PNLIPRP1: variants seen among roughly 807,000 people sequenced by gnomAD.
PNLIPRP1 encodes the protein pancreatic lipase related protein 1.
Under a neutral mutation model 54.6 loss-of-function variants are expected in PNLIPRP1, and 57 were observed. The observed-to-expected ratio is 1.04, with a 90% confidence interval of 0.84 to 1.30. PNLIPRP1 has a LOEUF of 1.30. Among genes scored for constraint, PNLIPRP1 ranks in the 50% most tolerant of loss-of-function variants. The probability of loss-of-function intolerance (pLI) is 0.00; values close to 1 mark genes in which losing one functional copy is unlikely to be tolerated. For missense variants in PNLIPRP1, 567 were observed against 568.5 expected (o/e 1.00, Z 0.03); for synonymous variants, 232 against 208.8 (o/e 1.11, Z -0.96).
rs1564735926 is a variant in PNLIPRP1 at position 116,594,735 on chromosome 10, G to A, written c.336G>A (p.Leu112=). 4 of 1,614,166 alleles carry A rather than the reference G, an allele frequency of 2.5e-6. No individual in the cohort carries two copies. Among genetic ancestry groups the A allele is most frequent in the Non-Finnish European group, 2.5e-6 (3 of 1,180,022 alleles). ...CACTATCTCCCCAACACCAGAAACT[G>A]TTCGAGGTGGAGGAGGTGAACTGCA... ...ESWVTDMCKK[L]FEVEEVNCIC... Residue 112 remains leucine, a synonymous_variant, in exon 5 of 13, where the codon CTG becomes CTA. Coordinates refer to ENST00000358834, the MANE Select transcript of PNLIPRP1 (RefSeq NM_006229.4).
intron 4 of PNLIPRP1, 173 bp from the exon 5 acceptor site, chr10:116,594,557 T>C: frequency 1.4e-6 from 1 of 701,580 alleles, no homozygotes; most frequent in Non-Finnish European, 2.4e-6. Flanking sequence ...GCCTTTCTCA[T>C]AGCATTCACC....
At chr10:116,604,223 C>T in intron 11 of PNLIPRP1, 85 bp downstream of exon 11, 1 of 649,576 alleles carries the variant, frequency 1.5e-6, no homozygotes, top group Non-Finnish European at 2.7e-6. Context: ...CTTATCATCT[C>T]TTTATATGTC....
intron 2 of PNLIPRP1, 71 bp downstream of exon 2, chr10:116,591,249 T>C: frequency 7.9e-7 from 1 of 1,270,710 alleles, no homozygotes; most frequent in Non-Finnish European, 1.1e-6. Context: ...AGAGAAAGCT[T>C]TAACTGTGGC....
Position 116,604,093 on chromosome 10 carries a change from C to CT in PNLIPRP1, c.1130dup (p.Leu377PhefsTer5), listed in dbSNP as rs782402618. 2 of 1,613,416 alleles carry CT rather than the reference C, an allele frequency of 1.2e-6. No individual in the cohort carries two copies. The highest frequency in any genetic ancestry group is 1.7e-6 in the Non-Finnish European group (2 of 1,179,446). The stretch of plus-strand genomic sequence containing the variant: ...ACAGCCACTGGTCAGATCAAAGTTG[C>CT]TTTGTTTGGAAATAAGGGAAACACT... On this transcript the variant is annotated frameshift_variant, in exon 11 of 13. Transcript: ENST00000358834. LOFTEE classifies it high-confidence loss of function.
intron 12 of PNLIPRP1, among the ~76,000 whole-genome samples, chr10:116,606,112 C>T (rs1012011762): frequency 6.6e-5 from 10 of 152,190 alleles, no homozygotes; most frequent in Admixed American, 1.3e-4. Context: ...GGCAGAGCGA[C>T]TGTCTCTCAA....
chr10:116,592,343 G>A, intron 3 of PNLIPRP1, 73 bp from the exon 4 acceptor site: 3 of 1,501,026 alleles, frequency 2.0e-6, no homozygotes, highest in Non-Finnish European at 2.7e-6. Flanking sequence ...ATTGGCGCAG[G>A]CGGAGATGAG....
At chr10:116,607,017 C>T (rs1251662288) in intron 12 of PNLIPRP1, among the ~76,000 whole-genome samples, 2 of 114,536 alleles carry the variant, frequency 1.7e-5, no homozygotes, top group African/African-American at 6.2e-5. Flanking sequence ...TGGCCAGTAA[C>T]ATTTAATAAT....
Position 116,605,487 on chromosome 10 carries a change from T to C in PNLIPRP1, c.1274T>C (p.Ile425Thr). 1 of 1,612,362 alleles carries C rather than the reference T, an allele frequency of 6.2e-7. No individual in the cohort carries two copies. Among genetic ancestry groups the C allele is most frequent in the South Asian group, 1.1e-5 (1 of 90,814 alleles). The stretch of plus-strand genomic sequence containing the variant: ...AAGTTTCTTTGGAATAACAATGTGA[T>C]AAATCCAACCCTCCCCAAAGTGGGT... ...KVKFLWNNNV[I>T]NPTLPKVGAT... is the part of the protein sequence containing the mutation. Residue 425 changes from isoleucine to threonine, a missense_variant, in exon 12 of 13, where the codon ATA (isoleucine) becomes ACA (threonine). By Grantham distance (89) the Ile-to-Thr change is moderately conservative. Transcript: ENST00000358834.
intron 2 of PNLIPRP1, among the ~76,000 whole-genome samples, 176 bp downstream of exon 2, chr10:116,591,354 T>C (rs1218106626): frequency 6.6e-6 from 1 of 152,194 alleles, no homozygotes; most frequent in Non-Finnish European, 1.5e-5. Context: ...GACCTGTTTC[T>C]GGGGATCCCC....
chr10:116,608,197 T>C (rs1847969278), intron 12 of PNLIPRP1, among the ~76,000 whole-genome samples: 1 of 152,172 alleles, frequency 6.6e-6, no homozygotes, highest in Non-Finnish European at 1.5e-5. Flanking sequence ...GAGGGAATCC[T>C]AGTGGGCAGG....
rs782011749 is a variant in PNLIPRP1, at chr10:116,598,112, G to C, written c.760G>C (p.Gly254Arg). 2 of 1,614,114 alleles carry C rather than the reference G, an allele frequency of 1.2e-6. No homozygotes were observed. The highest frequency in any genetic ancestry group is 1.7e-6 in the Non-Finnish European group (2 of 1,180,028). The change falls in exon 8 of 13, where the codon GGA becomes CGA. Residue 254 changes from glycine (G) to arginine (R), a missense_variant. By Grantham distance (125) the Gly-to-Arg change is moderately radical. Coordinates refer to ENST00000358834, the MANE Select transcript of PNLIPRP1 (RefSeq NM_006229.4). ...CCCCAATGGAGGAGAGAGCATGCCG[G>C]GATGCAAGAAGAATGCCCTGTCTCA... ...FFPNGGESMPGCKKNALSQIV... is the reference protein window; with the variant it reads ...FFPNGGESMPRCKKNALSQIV...
chr10:116,599,005 A>T (rs1847784056), intron 8 of PNLIPRP1, among the ~76,000 whole-genome samples: 1 of 152,214 alleles, frequency 6.6e-6, no homozygotes, highest in Non-Finnish European at 1.5e-5. Context: ...CTATAATCCC[A>T]GCACTTTGGG....
intron 3 of PNLIPRP1, 181 bp downstream of exon 3, chr10:116,592,106 G>T (rs900020494): frequency 3.0e-6 from 2 of 665,962 alleles, no homozygotes; most frequent in African/African-American, 1.8e-5. Context: ...TGGCTTGAAT[G>T]AATGAATGGT....
intron 12 of PNLIPRP1, among the ~76,000 whole-genome samples, chr10:116,606,845 G>T (rs997393263): frequency 6.6e-6 from 1 of 152,048 alleles, no homozygotes; most frequent in Non-Finnish European, 1.5e-5. Flanking sequence ...AGCTCCCCTC[G>T]CTGTCTGCTC....
At chr10:116,598,852 C>T (rs1027426778) in intron 8 of PNLIPRP1, among the ~76,000 whole-genome samples, 1 of 152,168 alleles carries the variant, frequency 6.6e-6, no homozygotes, top group Admixed American at 6.5e-5. Context: ...TCATGTGGCA[C>T]CACACGGAGA....
At chr10:116,601,973 TCAAGA>T (rs1847849656) in intron 10 of PNLIPRP1, among the ~76,000 whole-genome samples, 1 of 152,112 alleles carries the variant, frequency 6.6e-6, no homozygotes, top group Non-Finnish European at 1.5e-5. Context: ...CACCTCCAAA[TCAAGA>T]TACAGAACAC....
rs1246013228 is a variant in PNLIPRP1, at chr10:116,600,191, A to G, written c.933+26A>G. 2.1e-6 allele frequency: 3 copies of G among 1,416,866 alleles called. No homozygotes were observed. The African/African-American group carries it at 4.2e-5, about 20-fold the overall frequency. 87.8% of individuals were successfully genotyped at this position (1,416,866 alleles called of 1,614,324 possible). The stretch of plus-strand genomic sequence containing the variant: ...GTAAGCTATTGTCCTGCCTCGAGCA[A>G]CAAGCATCACCCCTCTGAGGGACTG... On this transcript the variant is annotated intron_variant, in intron 9 of 12. Coordinates refer to ENST00000358834, the MANE Select transcript of PNLIPRP1 (RefSeq NM_006229.4).
At chr10:116,602,199 T>G (rs1847858202) in intron 10 of PNLIPRP1, among the ~76,000 whole-genome samples, 1 of 152,114 alleles carries the variant, frequency 6.6e-6, no homozygotes, top group South Asian at 2.1e-4. Context: ...TTTTACATTT[T>G]TAGTAGAGAC....
rs116840175 is a variant in PNLIPRP1, at chr10:116,605,402, G to A, written c.1189G>A (p.Gly397Ser). Reference sequence around the variant, plus strand: ...TATTTCAAGGGGGATTCTCAAACCAGGCTCAACCCATTCCTATGAGTTTGA... The same window carrying A: ...TATTTCAAGGGGGATTCTCAAACCAAGCTCAACCCATTCCTATGAGTTTGA... ...YSIFRGILKP[G>S]STHSYEFDAK... is the part of the protein sequence containing the mutation. Residue 397 changes from glycine (G) to serine (S), a missense_variant, in exon 12 of 13, where the codon GGC (glycine) becomes AGC (serine). Gly to Ser is a moderately conservative substitution (Grantham distance 56). Coordinates refer to ENST00000358834, the MANE Select transcript of PNLIPRP1 (RefSeq NM_006229.4). The A allele has an allele frequency of 3.3e-4, 531 of 1,597,862 alleles. 3 individuals are homozygous for A. The East Asian group carries it at 0.011, about 33-fold the overall frequency.
Sources: allele counts gnomAD v4.1 joint callset (sites outside exome capture counted in the v4.1 genomes callset), GRCh38; gene constraint gnomAD v4.1.1; transcripts MANE v1.5; gene names NCBI Gene and HGNC (gene_info 2026-07-23, HGNC 2026-07-21).